TMCO1: variants seen among roughly 807,000 people sequenced by gnomAD.
TMCO1 encodes the protein calcium load-activated calcium channel.
TMCO1 carries 29 observed loss-of-function variants against 29.3 expected under a neutral mutation model. That is an observed-to-expected ratio of 0.99 (90% confidence interval 0.74 to 1.35). The LOEUF (loss-of-function observed/expected upper bound fraction) is 1.35, where lower values mean the gene tolerates loss of function less well. Ranked by LOEUF, TMCO1 falls within the 40% of genes most tolerant of loss-of-function variation. TMCO1 has a pLI of 0.00. For synonymous variants in TMCO1, 80 were observed against 77.1 expected, an observed-to-expected ratio of 1.04 and a Z score of -0.20; for missense variants, 173 against 225.5, an observed-to-expected ratio of 0.77 and a Z score of 1.49.
intron 6 of TMCO1, among the ~76,000 whole-genome samples, chr1:165,735,810 TG>T (rs1263691893): frequency 6.6e-6 from 1 of 152,174 alleles, no homozygotes; most frequent in Non-Finnish European, 1.5e-5. Context: ...CCACCACGCC[TG>T]GGTCTGCTTA....
At chr1:165,755,278 C>T (rs953788307) in intron 3 of TMCO1, among the ~76,000 whole-genome samples, 1 of 152,136 alleles carries the variant, frequency 6.6e-6, no homozygotes, top group Non-Finnish European at 1.5e-5. Context: ...AGTCAGTAGA[C>T]CTTCAGCCAA....
At chr1:165,758,449 G>A (rs781420828) in intron 3 of TMCO1, among the ~76,000 whole-genome samples, 5 of 151,848 alleles carry the variant, frequency 3.3e-5, no homozygotes, top group African/African-American at 9.7e-5. Context: ...CCACCTACTC[G>A]TGAGGCTGAG....
At chr1:165,768,882 T>C (rs2101821660), upstream of TMCO1, 4 of 1,553,968 alleles carry the variant, frequency 2.6e-6, no homozygotes, top group Non-Finnish European at 3.5e-6. Flanking sequence ...AGCCCGAAGA[T>C]CGCACTTCCG....
chr1:165,765,427 G>A (rs1448075663), intron 2 of TMCO1, among the ~76,000 whole-genome samples: 1 of 152,192 alleles, frequency 6.6e-6, no homozygotes, highest in African/African-American at 2.4e-5. Context: ...GGGATTACAG[G>A]CATGTGCCAC....
chr1:165,752,702 G>A (rs1652047982), intron 4 of TMCO1, among the ~76,000 whole-genome samples: 1 of 151,870 alleles, frequency 6.6e-6, no homozygotes, highest in South Asian at 2.1e-4. Context: ...GCTGAGGCAG[G>A]AGAATCACTT....
At position 165,732,361 on chromosome 1, in the gene TMCO1, T is replaced by C. The variant is rs1651194043; in HGVS notation, c.469-4240A>G. On this transcript the variant is annotated intron_variant, in intron 6 of 6. Coordinates refer to ENST00000367881, the MANE Select transcript of TMCO1 (RefSeq NM_019026.6). ...ACCTCTCTGTAACAGACTGTTATCTTAGGAATAAAAAAATCACATAAAGAA... is the reference window on the plus strand; with the variant it reads ...ACCTCTCTGTAACAGACTGTTATCTCAGGAATAAAAAAATCACATAAAGAA... Among the ~76,000 whole-genome samples the C allele has an allele frequency of 3.3e-5, 4 of 120,620 alleles. No individual in the cohort carries two copies. The South Asian group carries it at 1.0e-3, about 31-fold the overall frequency. The allele number at this position is 120,620 out of a possible 152,430, so 79.1% of individuals were successfully genotyped here.
Position 165,727,351 on chromosome 1 carries a change from C to T in TMCO1, c.*672G>A, listed in dbSNP as rs183635612. 1.1e-4 allele frequency: 50 copies of T among 453,816 alleles called. No homozygotes were observed. The highest frequency in any genetic ancestry group is 3.4e-4 in the African/African-American group (17 of 50,028). 28.1% of individuals were successfully genotyped at this position (453,816 alleles called of 1,614,324 possible). ...CAAGACCCTCATTTTTAAACTCCAACGAGTTATTACGTTCCTTTCCACTCT... is the reference window on the plus strand; with the variant it reads ...CAAGACCCTCATTTTTAAACTCCAATGAGTTATTACGTTCCTTTCCACTCT... On this transcript the variant is annotated 3_prime_UTR_variant, in exon 7 of 7. Coordinates refer to ENST00000367881, the MANE Select transcript of TMCO1 (RefSeq NM_019026.6).
chr1:165,747,583 A>G (rs992096260), intron 5 of TMCO1, among the ~76,000 whole-genome samples: 1 of 152,242 alleles, frequency 6.6e-6, no homozygotes, highest in African/African-American at 2.4e-5. Flanking sequence ...TGAACAATAC[A>G]GTTAAAACAG....
intron 5 of TMCO1, among the ~76,000 whole-genome samples, chr1:165,748,189 T>C (rs1651871192): frequency 6.6e-6 from 1 of 151,092 alleles, no homozygotes; most frequent in African/African-American, 2.4e-5. Context: ...AAGGGTAACA[T>C]ATATAAAAAG....
At chr1:165,751,532 C>T (rs923633277) in intron 5 of TMCO1, among the ~76,000 whole-genome samples, 7 of 151,872 alleles carry the variant, frequency 4.6e-5, no homozygotes, top group Admixed American at 2.6e-4. Context: ...GGCAAAACCC[C>T]GTCTCTACTA....
chr1:165,746,454 C>CACACACACAG (rs1651802078), intron 5 of TMCO1, among the ~76,000 whole-genome samples: 2 of 10,990 alleles, frequency 1.8e-4, no homozygotes, highest in African/African-American at 9.3e-4. Context: ...AGACCTATAT[C>CACACACACAG]ACACACACAC....
chr1:165,740,279 G>A (rs1651544925), intron 6 of TMCO1, among the ~76,000 whole-genome samples: 2 of 151,354 alleles, frequency 1.3e-5, no homozygotes, highest in African/African-American at 4.8e-5. Context: ...TTGGCTCCCT[G>A]CAATCTCCGC....
intron 6 of TMCO1, 82 bp from the exon 7 acceptor site, chr1:165,728,203 AACTCAT>A (rs1180921300): frequency 2.9e-6 from 3 of 1,050,248 alleles, no homozygotes; most frequent in Non-Finnish European, 4.3e-6. Flanking sequence ...AGGCAAAGGG[AACTCAT>A]ACTCATATAG....
downstream of TMCO1, chr1:165,726,042 T>C: frequency 1.4e-6 from 1 of 689,698 alleles, no homozygotes; most frequent in Non-Finnish European, 2.6e-6. Context: ...GTATGAGTGA[T>C]AGAGTGTGCT....
chr1:165,744,619 C>T lies in TMCO1; in HGVS notation c.324-1308G>A, dbSNP rs143551085. On this transcript the variant is annotated intron_variant, in intron 5 of 6. Coordinates refer to ENST00000367881, the MANE Select transcript of TMCO1 (RefSeq NM_019026.6). ...CCAGCTGACCAACATGGAGAAACCCCGTGTCTACTAAAAATACAAAATTAG... is the reference window on the plus strand; with the variant it reads ...CCAGCTGACCAACATGGAGAAACCCTGTGTCTACTAAAAATACAAAATTAG... 4.9e-3 allele frequency among the ~76,000 whole-genome samples: 748 copies of T among 151,954 alleles called. 4 individuals are homozygous for T. The highest frequency in any genetic ancestry group is 0.017 in the Middle Eastern group (5 of 292).
At chr1:165,739,734 A>G (rs1651519189) in intron 6 of TMCO1, among the ~76,000 whole-genome samples, 1 of 151,966 alleles carries the variant, frequency 6.6e-6, no homozygotes. Context: ...TGAAAACTCT[A>G]CAGTTTTAGA....
At position 165,732,497 on chromosome 1, in the gene TMCO1, CTCTCTCTCTATA is replaced by C. The variant is rs1014974599; in HGVS notation, c.469-4388_469-4377del. Among the ~76,000 whole-genome samples, 18 of 143,032 alleles carry C rather than the reference CTCTCTCTCTATA, an allele frequency of 1.3e-4. 1 individual carries two copies. Among genetic ancestry groups the C allele is most frequent in the African/African-American group, 4.9e-4 (17 of 34,892 alleles). 93.8% of individuals were successfully genotyped at this position (143,032 alleles called of 152,430 possible). A position where few individuals can be genotyped will look rare whatever the true frequency, so the allele number is the denominator to read the frequency against. Reference sequence around the variant, plus strand: ...ATGGTTTCTCTCTCTCTCTCTCTCTCTCTCTCTCTATATATATATATATAAACATACACATAT... The same window carrying C: ...ATGGTTTCTCTCTCTCTCTCTCTCTCTATATATATATAAACATACACATAT... On this transcript the variant is annotated intron_variant, in intron 6 of 6. Transcript: ENST00000367881.
intron 2 of TMCO1, among the ~76,000 whole-genome samples, chr1:165,765,292 A>AT (rs1558043893): frequency 1.3e-5 from 2 of 152,010 alleles, no homozygotes; most frequent in Non-Finnish European, 2.9e-5. Flanking sequence ...TTTTATTTTT[A>AT]TTTTTTTTGA....
intron 5 of TMCO1, among the ~76,000 whole-genome samples, chr1:165,743,922 G>A (rs1292770774): frequency 7.4e-5 from 11 of 149,288 alleles, no homozygotes; most frequent in South Asian, 2.1e-4. Context: ...GTGCAGTGTC[G>A]CCGTCTCAGC....
Sources: allele counts gnomAD v4.1 joint callset (sites outside exome capture counted in the v4.1 genomes callset), GRCh38; gene constraint gnomAD v4.1.1; transcripts MANE v1.5; gene names NCBI Gene and HGNC (gene_info 2026-07-23, HGNC 2026-07-21).